The following RNF17 variants were observed in gnomAD, a reference collection of about 807,000 sequenced individuals.
RNF17 encodes ring finger protein 17, also known as spermatogenesis associated 23.
RNF17 carries 31 observed loss-of-function variants against 200.5 expected under a neutral mutation model. The ratio of observed to expected loss-of-function variants is 0.15; its 90% CI spans 0.12 to 0.21. RNF17 has a LOEUF of 0.21. Among genes scored for constraint, RNF17 ranks in the 10% least tolerant of loss-of-function variants. The pLI, the probability that RNF17 is intolerant of heterozygous loss-of-function variation, is 1.00. For synonymous variants in RNF17, 606 were observed against 637.8 expected, an observed-to-expected ratio of 0.95 and a Z score of 0.75; for missense variants, 1,628 against 1,905.1, an observed-to-expected ratio of 0.85 and a Z score of 2.71.
At chr13:24,820,587 C>G (rs1887940404) in intron 15 of RNF17, among the ~76,000 whole-genome samples, 1 of 151,936 alleles carries the variant, frequency 6.6e-6, no homozygotes, top group Non-Finnish European at 1.5e-5. Context: ...AGGTGCCCAC[C>G]ACCACGCCCG....
rs578098235 is a variant in RNF17, at chr13:24,862,531, A to G, written c.3895-182A>G. ...TTTTTAAAGCATAAAATGAGTACTC[A>G]AATTATTCATTTTTAAAGATTATTT... On this transcript the variant is annotated intron_variant, in intron 27 of 35. Coordinates refer to ENST00000255324, the MANE Select transcript of RNF17 (RefSeq NM_031277.3). 2.0e-5 allele frequency among the ~76,000 whole-genome samples: 3 copies of G among 152,298 alleles called. No individual in the cohort carries two copies. In the South Asian group the frequency reaches 6.2e-4, roughly 32 times the overall value.
intron 24 of RNF17, among the ~76,000 whole-genome samples, chr13:24,852,668 C>T (rs1012678868): frequency 3.3e-5 from 5 of 152,084 alleles, no homozygotes; most frequent in African/African-American, 1.2e-4. Flanking sequence ...CCTGGATTGC[C>T]CGGGCTTTGG....
chr13:24,809,842 C>G (rs1886373739), intron 15 of RNF17, among the ~76,000 whole-genome samples: 1 of 151,866 alleles, frequency 6.6e-6, no homozygotes, highest in Admixed American at 6.6e-5. Flanking sequence ...TATGTTGTGT[C>G]TTTGTTCTCG....
intron 17 of RNF17, among the ~76,000 whole-genome samples, chr13:24,831,195 C>CT (rs560006622): frequency 8.7e-4 from 129 of 147,618 alleles, no homozygotes; most frequent in Non-Finnish European, 1.5e-3. Flanking sequence ...AATCCCAGAA[C>CT]TTTGGGAGGC....
chr13:24,754,635 A>G, the RNF17 span, among the ~76,000 whole-genome samples: 1 of 152,210 alleles, frequency 6.6e-6, no homozygotes, highest in Non-Finnish European at 1.5e-5. Context: ...TCATACCTGT[A>G]GTCCCGCACT....
chr13:24,787,581 C>T (rs537506860), intron 6 of RNF17, among the ~76,000 whole-genome samples: 1 of 152,256 alleles, frequency 6.6e-6, no homozygotes, highest in East Asian at 1.9e-4. Context: ...GCCTGGGCCT[C>T]AGTGTGGCTT....
chr13:24,825,634 A>G lies in RNF17; in HGVS notation c.2107A>G (p.Ile703Val). 6.3e-7 allele frequency: 1 copy of G among 1,596,412 alleles called. No homozygotes were observed. The highest frequency in any genetic ancestry group is 1.1e-5 in the South Asian group (1 of 90,520). Reference sequence around the variant, plus strand: ...TATTTACTAGATAGAGGGCCTGGATATTTTATTTCTATTAAAGACAATCGA... The same window carrying G: ...TATTTACTAGATAGAGGGCCTGGATGTTTTATTTCTATTAAAGACAATCGA... ...FYLQLIEGLD[I>V]LFLLKTIEEF... Residue 703 changes from isoleucine (I) to valine (V), a missense_variant, in exon 16 of 36, where the codon ATT becomes GTT. This residue lies in a region of RNF17 where 289 missense variants were observed against 384.9 expected (regional missense o/e 0.75). Coordinates refer to ENST00000255324, the MANE Select transcript of RNF17 (RefSeq NM_031277.3).
intron 22 of RNF17, among the ~76,000 whole-genome samples, chr13:24,846,844 A>T (rs773080239): frequency 6.6e-6 from 1 of 152,220 alleles, no homozygotes; most frequent in African/African-American, 2.4e-5. Flanking sequence ...CTTGAAGCCA[A>T]TTGCATGTTA....
chr13:24,757,760 G>C, the RNF17 span, among the ~76,000 whole-genome samples: 2 of 152,178 alleles, frequency 1.3e-5, no homozygotes, highest in Non-Finnish European at 2.9e-5. Context: ...ATGACATAAT[G>C]CTTTCTGTAT....
At chr13:24,863,480 G>A (rs1893307398) in intron 28 of RNF17, among the ~76,000 whole-genome samples, 1 of 152,132 alleles carries the variant, frequency 6.6e-6, no homozygotes, top group Admixed American at 6.5e-5. Flanking sequence ...GGTAGGGAGA[G>A]CCTCAGTGGA....
chr13:24,887,202 T>G, the RNF17 span, among the ~76,000 whole-genome samples: 1 of 152,106 alleles, frequency 6.6e-6, no homozygotes, highest in Non-Finnish European at 1.5e-5. Flanking sequence ...CAAAAGATAC[T>G]ATAAAGAGCA....
At chr13:24,763,476 C>T (rs1262760656), upstream of RNF17, among the ~76,000 whole-genome samples, 1 of 151,760 alleles carries the variant, frequency 6.6e-6, no homozygotes, top group Non-Finnish European at 1.5e-5. Context: ...CCTGGCCTCC[C>T]AAAGTGCTGG....
chr13:24,757,859 C>T, the RNF17 span, among the ~76,000 whole-genome samples: 1 of 152,122 alleles, frequency 6.6e-6, no homozygotes, highest in Non-Finnish European at 1.5e-5. Context: ...TGATTGGTGT[C>T]CCCACCCAAA....
intron 16 of RNF17, among the ~76,000 whole-genome samples, chr13:24,826,992 G>A (rs989552808): frequency 7.9e-5 from 12 of 152,078 alleles, no homozygotes; most frequent in Admixed American, 6.5e-4. Flanking sequence ...CCTGGGAGGC[G>A]GAGGTTGCGG....
At chr13:24,794,114 A>G in intron 10 of RNF17, 1 of 428,106 alleles carries the variant, frequency 2.3e-6, no homozygotes, top group Non-Finnish European at 4.6e-6. Flanking sequence ...CATTGTTAAC[A>G]TAGTTAGTAC....
intron 29 of RNF17, 91 bp from the exon 30 acceptor site, chr13:24,866,053 A>G: frequency 1.4e-6 from 1 of 719,460 alleles, no homozygotes. Context: ...CCAACAAGGA[A>G]ATGCACCCAG....
chr13:24,877,238 C>A, intron 34 of RNF17, 52 bp downstream of exon 34: 3 of 1,475,836 alleles, frequency 2.0e-6, no homozygotes, highest in Non-Finnish European at 2.8e-6. Flanking sequence ...TGTGTCGATA[C>A]TTTGTAAAGT....
intron 18 of RNF17, among the ~76,000 whole-genome samples, chr13:24,839,484 A>G (rs1424908041): frequency 2.0e-5 from 3 of 152,244 alleles, no homozygotes; most frequent in Admixed American, 6.5e-5. Context: ...ATTTCAAACT[A>G]TACTATAAGG....
intron 18 of RNF17, among the ~76,000 whole-genome samples, chr13:24,832,197 C>A (rs1156676308): frequency 1.3e-5 from 2 of 152,166 alleles, no homozygotes; most frequent in Non-Finnish European, 2.9e-5. Flanking sequence ...CTTGACATGG[C>A]CCCTTGAAAG....
Sources: allele counts gnomAD v4.1 joint callset (sites outside exome capture counted in the v4.1 genomes callset), GRCh38; gene constraint gnomAD v4.1.1; regional missense constraint gnomAD v4.1.1; transcripts MANE v1.5; gene names NCBI Gene and HGNC (gene_info 2026-07-23, HGNC 2026-07-21).